PRRC2B: variants seen among roughly 807,000 people sequenced by gnomAD.
The protein encoded by PRRC2B is proline rich coiled-coil 2B.
In PRRC2B, 68 loss-of-function variants were observed where a neutral mutation model predicts 242.3. That is an observed-to-expected ratio of 0.28 (90% CI 0.23 to 0.34). The LOEUF is 0.34. PRRC2B is among the 10% of genes least tolerant of loss of function. PRRC2B has a pLI of 1.00. For missense variants in PRRC2B, 2,835 were observed against 2,954.8 expected (o/e 0.96, Z 0.94); for synonymous variants, 1,228 against 1,173.6 (o/e 1.05, Z -0.95).
At chr9:131,476,949 G>A (rs986205561) in intron 16 of PRRC2B, among the ~76,000 whole-genome samples, 1 of 152,222 alleles carries the variant, frequency 6.6e-6, no homozygotes, top group Admixed American at 6.5e-5. Flanking sequence ...TGGCTGCATG[G>A]AAGTGGCTCT....
In PRRC2B at chr9:131,487,092, AG is replaced by A; in HGVS notation, c.5857-71del. 3 of 1,345,942 alleles carry A rather than the reference AG, an allele frequency of 2.2e-6. No homozygotes were observed. The highest frequency in any genetic ancestry group is 2.4e-5 in the South Asian group (2 of 83,140). 83.4% of individuals were successfully genotyped at this position (1,345,942 alleles called of 1,614,324 possible). A position where few individuals can be genotyped will look rare whatever the true frequency, so the allele number is the denominator to read the frequency against. On this transcript the variant is annotated intron_variant, in intron 26 of 31. Coordinates refer to ENST00000683519, the MANE Select transcript of PRRC2B (RefSeq NM_013318.4). The surrounding 1 kb of genome is among the most constrained non-coding windows in gnomAD (Gnocchi z 5.3). ...TTCCAGCAGCCATGTGGAGAGGGGC[AG>A]GGGAGGTGGGAGGGGAAGAACCACC... is the stretch of plus-strand genomic sequence containing the variant.
chr9:131,387,609 C>T (rs1380593616), intron 1 of PRRC2B, among the ~76,000 whole-genome samples: 1 of 150,074 alleles, frequency 6.7e-6, no homozygotes, highest in Non-Finnish European at 1.5e-5. Flanking sequence ...TCAAATAAGA[C>T]AGATGCGGTC....
chr9:131,416,219 C>A (rs1837646373), intron 1 of PRRC2B, among the ~76,000 whole-genome samples: 1 of 152,014 alleles, frequency 6.6e-6, no homozygotes, highest in Non-Finnish European at 1.5e-5. Flanking sequence ...AGTGATTCTT[C>A]TGCCTCAGCC....
rs1164088072 is a variant in PRRC2B, at chr9:131,496,595, T to C, written c.*721T>C. 1 of 123,390 alleles carries C rather than the reference T, an allele frequency of 8.1e-6. No individual in the cohort carries two copies. The highest frequency in any genetic ancestry group is 3.2e-5 in the African/African-American group (1 of 31,180). The allele number at this position is 123,390 out of a possible 1,614,324, so 7.6% of individuals were successfully genotyped here. A position where few individuals can be genotyped will look rare whatever the true frequency, so the allele number is the denominator to read the frequency against. On this transcript the variant is annotated 3_prime_UTR_variant, in exon 32 of 32. Transcript: ENST00000683519. Reference sequence around the variant, plus strand: ...GCCTGGCTCCCCGCCTGGGAAGCGATGGGGTGCTCAGAGCAGCAGGCAGGT... The same window carrying C: ...GCCTGGCTCCCCGCCTGGGAAGCGACGGGGTGCTCAGAGCAGCAGGCAGGT...
chr9:131,485,240 G>A, intron 25 of PRRC2B, 100 bp downstream of exon 25: 1 of 1,023,002 alleles, frequency 9.8e-7, no homozygotes, highest in Non-Finnish European at 1.4e-6. Flanking sequence ...CTTGTCTTAA[G>A]TAGCATGTAG....
chr9:131,408,572 C>T (rs934894242), intron 1 of PRRC2B, among the ~76,000 whole-genome samples: 4 of 152,148 alleles, frequency 2.6e-5, no homozygotes, highest in African/African-American at 9.7e-5. Context: ...AAGAGAAGAA[C>T]CCAGGTTGAA....
intron 1 of PRRC2B, among the ~76,000 whole-genome samples, chr9:131,398,531 T>C (rs1321262722): frequency 6.6e-6 from 1 of 152,244 alleles, no homozygotes; most frequent in African/African-American, 2.4e-5. Context: ...GGCTTCCGTC[T>C]GGACCGTCTT....
intron 1 of PRRC2B, among the ~76,000 whole-genome samples, chr9:131,397,551 G>A (rs1217859600): frequency 9.8e-6 from 1 of 102,048 alleles, no homozygotes. Flanking sequence ...TTATTTTATT[G>A]TACTTTTGAG....
intron 9 of PRRC2B, among the ~76,000 whole-genome samples, chr9:131,449,382 C>CA: frequency 6.6e-6 from 1 of 151,740 alleles, no homozygotes; most frequent in East Asian, 1.9e-4. Context: ...TTTAAAGAGA[C>CA]AGGGTCTCAC....
At chr9:131,394,960 GT>G (rs746579828) in intron 1 of PRRC2B, among the ~76,000 whole-genome samples, 11,235 of 63,970 alleles carry the variant, frequency 0.18, 800 homozygotes, top group African/African-American at 0.33. Flanking sequence ...GCCAGATGGG[GT>G]TTTTTTTTTT....
rs146236847 is a variant in PRRC2B at position 131,467,664 on chromosome 9, G to A, written c.1822G>A (p.Ala608Thr). The A allele has an allele frequency of 6.2e-7, 1 of 1,613,942 alleles. No homozygotes were observed. The highest frequency in any genetic ancestry group is 1.3e-5 in the African/African-American group (1 of 75,010). ...ACAGAGCAACAGCAGTGAGGAAGAG[G>A]CCAGAGAGGCTGGGTCCCCTGCACA... ...VAQSNSSEEE[A>T]REAGSPAQEF... The change falls in exon 13 of 32, where the codon GCC (alanine) becomes ACC (threonine). Residue 608 changes from alanine (A) to threonine (T), a missense_variant. Around this residue, in one of 7 missense-constraint regions of PRRC2B, gnomAD observed 1,536 missense variants for 1,483.1 expected, o/e 1.04. Coordinates refer to ENST00000683519, the MANE Select transcript of PRRC2B (RefSeq NM_013318.4).
chr9:131,415,292 A>C (rs1467680761), intron 1 of PRRC2B, among the ~76,000 whole-genome samples: 1 of 152,186 alleles, frequency 6.6e-6, no homozygotes, highest in African/African-American at 2.4e-5. Flanking sequence ...AACAGCAACT[A>C]TCTTAATAAG....
intron 1 of PRRC2B, among the ~76,000 whole-genome samples, chr9:131,400,462 C>T (rs543547217): frequency 4.6e-4 from 70 of 152,130 alleles, no homozygotes; most frequent in African/African-American, 1.5e-3. Flanking sequence ...GGATTACAGG[C>T]GTGCACCACC....
At chr9:131,403,678 AAC>A (rs543397880) in intron 1 of PRRC2B, among the ~76,000 whole-genome samples, 118,877 of 139,922 alleles carry the variant, frequency 0.85, 50,166 homozygotes, top group South Asian at 0.91. Context: ...AAAAAAAAAA[AAC>A]AAAATTAAAA....
chr9:131,381,658 ATCTGCCTGCC>A (rs1339084798), intron 1 of PRRC2B, among the ~76,000 whole-genome samples: 2 of 151,206 alleles, frequency 1.3e-5, no homozygotes, highest in African/African-American at 4.9e-5. Context: ...TGACCTCGTG[ATCTGCCTGCC>A]TCGGCCTCCC....
rs1293170184 is a variant in PRRC2B, at chr9:131,498,387, G to T, written c.*2513G>T. 1 of 152,248 alleles carries T rather than the reference G, an allele frequency of 6.6e-6. No individual in the cohort carries two copies. The highest frequency in any genetic ancestry group is 2.4e-5 in the African/African-American group (1 of 41,466). 9.4% of individuals were successfully genotyped at this position (152,248 alleles called of 1,614,324 possible). ...AGTTCGGTGCAGTCACCACCTGTGTGTGACCTGAGCTGCAGTCTCTTCGCT... is the reference window on the plus strand; with the variant it reads ...AGTTCGGTGCAGTCACCACCTGTGTTTGACCTGAGCTGCAGTCTCTTCGCT... On this transcript the variant is annotated 3_prime_UTR_variant, in exon 32 of 32. Transcript: ENST00000683519.
At chr9:131,376,546 A>G (rs1386460220) in intron 1 of PRRC2B, among the ~76,000 whole-genome samples, 8 of 152,094 alleles carry the variant, frequency 5.3e-5, no homozygotes, top group African/African-American at 1.7e-4. Flanking sequence ...AGATGGGGCC[A>G]TAAGACAGGT....
chr9:131,424,562 T>G (rs950314485), intron 1 of PRRC2B, among the ~76,000 whole-genome samples: 1 of 152,084 alleles, frequency 6.6e-6, no homozygotes, highest in African/African-American at 2.4e-5. Flanking sequence ...GGCGCGCACC[T>G]GTAATCCCAG....
chr9:131,487,118 C>A lies in PRRC2B; in HGVS notation c.5857-49C>A, dbSNP rs1216366264. 1.9e-6 allele frequency: 3 copies of A among 1,598,146 alleles called. No homozygotes were observed. In the Admixed American group the frequency reaches 5.0e-5, roughly 27 times the overall value. On this transcript the variant is annotated intron_variant, in intron 26 of 31. Transcript: ENST00000683519. This position sits in a 1 kb window ranked among gnomAD's most constrained non-coding sequence, Gnocchi z 5.3. ...GGGGAGGTGGGAGGGGAAGAACCAC[C>A]TGGATGGGCCTTGCGGTTACCTCCC...
Sources: allele counts gnomAD v4.1 joint callset (sites outside exome capture counted in the v4.1 genomes callset), GRCh38; gene constraint gnomAD v4.1.1; regional missense constraint gnomAD v4.1.1; non-coding constraint Gnocchi (gnomAD v3.1); transcripts MANE v1.5; gene names NCBI Gene and HGNC (gene_info 2026-07-23, HGNC 2026-07-21).